XPR1: variants seen among roughly 807,000 people sequenced by gnomAD.
XPR1 encodes the protein solute carrier family 53 member 1.
XPR1 carries 28 observed loss-of-function variants against 87.5 expected under a neutral mutation model. The ratio of observed to expected loss-of-function variants is 0.32; its 90% CI spans 0.24 to 0.44. The LOEUF (loss-of-function observed/expected upper bound fraction) is 0.44. XPR1 is among the 20% of genes least tolerant of loss of function. The probability of loss-of-function intolerance (pLI) is 1.00; values close to 1 mark genes in which losing one functional copy is unlikely to be tolerated. For missense variants in XPR1, 559 were observed against 862.3 expected, an observed-to-expected ratio of 0.65 and a Z score of 4.41; for synonymous variants, 300 against 306.1, an observed-to-expected ratio of 0.98 and a Z score of 0.21.
Position 180,632,267 on chromosome 1 carries a change from T to C in XPR1, c.66T>C (p.Tyr22=), listed in dbSNP as rs757202895. 30 of 1,611,728 alleles carry C rather than the reference T, an allele frequency of 1.9e-5. No homozygotes were observed. In the South Asian group the frequency reaches 3.2e-4, roughly 17 times the overall value. The change falls in exon 1 of 15, where the codon TAT becomes TAC. Residue 22 remains tyrosine, a synonymous_variant. Coordinates refer to ENST00000367590, the MANE Select transcript of XPR1 (RefSeq NM_004736.4). ...TPEWRKQYIQ[Y]EAFKDMLYSA... Reference sequence around the variant, plus strand: ...AGTGGAGGAAGCAATACATCCAGTATGAGGTACCGGCACGGCTGGGGTGTG... The same window carrying C: ...AGTGGAGGAAGCAATACATCCAGTACGAGGTACCGGCACGGCTGGGGTGTG...
intron 2 of XPR1, among the ~76,000 whole-genome samples, chr1:180,715,569 A>C (rs1046773669): frequency 4.6e-5 from 7 of 152,226 alleles, no homozygotes; most frequent in African/African-American, 1.7e-4. Context: ...CTTGTCATCA[A>C]AATATAGTTC....
At chr1:180,783,739 T>G (rs1403707896) in intron 2 of XPR1, among the ~76,000 whole-genome samples, 2 of 151,944 alleles carry the variant, frequency 1.3e-5, no homozygotes, top group Non-Finnish European at 2.9e-5. Context: ...TGGACATCAG[T>G]TTGTTTCTTT....
chr1:180,835,647 AGTTCTGTTGTAG>A (rs1651258835), intron 10 of XPR1, among the ~76,000 whole-genome samples: 3 of 152,224 alleles, frequency 2.0e-5, no homozygotes, highest in Non-Finnish European at 2.9e-5. Flanking sequence ...AGTGGATCAC[AGTTCTGTTGTAG>A]GTTGATCACA....
intron 2 of XPR1, among the ~76,000 whole-genome samples, chr1:180,751,069 G>A (rs1647517222): frequency 6.6e-6 from 1 of 151,928 alleles, no homozygotes; most frequent in Admixed American, 6.6e-5. Context: ...TTTATTGCTA[G>A]TTTATAGAAA....
At chr1:180,832,412 T>C (rs1651101523) in intron 9 of XPR1, among the ~76,000 whole-genome samples, 1 of 152,222 alleles carries the variant, frequency 6.6e-6, no homozygotes, top group African/African-American at 2.4e-5. Flanking sequence ...CATTTGTCAA[T>C]TTTGGCTTTT....
chr1:180,796,430 C>T (rs1004768224), intron 3 of XPR1, among the ~76,000 whole-genome samples: 2 of 152,188 alleles, frequency 1.3e-5, no homozygotes, highest in Non-Finnish European at 2.9e-5. Flanking sequence ...TACGGATTCT[C>T]ATAGGCTCCT....
At chr1:180,661,666 T>C (rs943186749) in intron 1 of XPR1, among the ~76,000 whole-genome samples, 4 of 152,124 alleles carry the variant, frequency 2.6e-5, no homozygotes, top group African/African-American at 7.2e-5. Flanking sequence ...GGTCAGGAGT[T>C]CAAGACCAGC....
At position 180,884,177 on chromosome 1, in the gene XPR1, A is replaced by G. The variant is rs1652933986; in HGVS notation, c.*111A>G. 1.2e-6 allele frequency: 1 copy of G among 848,374 alleles called. No homozygotes were observed. Among genetic ancestry groups the G allele is most frequent in the Non-Finnish European group, 1.8e-6 (1 of 556,450 alleles). 52.6% of individuals were successfully genotyped at this position (848,374 alleles called of 1,614,324 possible). A position where few individuals can be genotyped will look rare whatever the true frequency, so the allele number is the denominator to read the frequency against. Reference sequence around the variant, plus strand: ...CCGAAAACAGGAGAAAACACATAACACATTTTCCGAGCTCTTCCGGATCGG... The same window carrying G: ...CCGAAAACAGGAGAAAACACATAACGCATTTTCCGAGCTCTTCCGGATCGG... On this transcript the variant is annotated 3_prime_UTR_variant, in exon 15 of 15. Transcript: ENST00000367590.
At chr1:180,804,298 C>A (rs1232908383) in intron 4 of XPR1, among the ~76,000 whole-genome samples, 3 of 152,164 alleles carry the variant, frequency 2.0e-5, no homozygotes, top group Non-Finnish European at 4.4e-5. Flanking sequence ...TATAGTCCTC[C>A]TAACCAATAG....
At chr1:180,689,283 G>A (rs1442675141) in intron 2 of XPR1, among the ~76,000 whole-genome samples, 1 of 151,988 alleles carries the variant, frequency 6.6e-6, no homozygotes, top group Non-Finnish European at 1.5e-5. Context: ...AATATAAAAA[G>A]ACTTTTTAAA....
intron 1 of XPR1, among the ~76,000 whole-genome samples, chr1:180,667,197 G>A (rs1360482823): frequency 6.6e-6 from 1 of 152,222 alleles, no homozygotes; most frequent in Non-Finnish European, 1.5e-5. Context: ...ACAGGCATGA[G>A]CCACTGAGCC....
Position 180,873,886 on chromosome 1 carries a change from G to T in XPR1, c.1752G>T (p.Leu584Phe). The T allele has an allele frequency of 6.2e-7, 1 of 1,614,134 alleles. No homozygotes were observed. The highest frequency in any genetic ancestry group is 8.5e-7 in the Non-Finnish European group (1 of 1,180,016). Residue 584 changes from leucine (L) to phenylalanine (F), a missense_variant, in exon 13 of 15, where the codon TTG becomes TTT. Coordinates refer to ENST00000367590, the MANE Select transcript of XPR1 (RefSeq NM_004736.4). ...TIQISITSTT[L>F]LPHSGDIIAT... ...AAATCTCGATTACCTCTACAACTTT[G>T]TTGCCTCATTCTGGGGACATCATTG...
chr1:180,759,296 A>C (rs1000719343), intron 2 of XPR1, among the ~76,000 whole-genome samples: 3 of 152,232 alleles, frequency 2.0e-5, no homozygotes, highest in African/African-American at 7.2e-5. Context: ...TAGAGACACA[A>C]AAAACCCTTC....
At chr1:180,873,436 T>C (rs1369009600) in intron 12 of XPR1, among the ~76,000 whole-genome samples, 1 of 152,248 alleles carries the variant, frequency 6.6e-6, no homozygotes, top group African/African-American at 2.4e-5. Flanking sequence ...TGATATTAGC[T>C]ATTAAGTCTA....
Position 180,888,183 on chromosome 1 carries a change from T to G in XPR1, c.*4117T>G, listed in dbSNP as rs1395459220. On this transcript the variant is annotated 3_prime_UTR_variant, in exon 15 of 15. Coordinates refer to ENST00000367590, the MANE Select transcript of XPR1 (RefSeq NM_004736.4). Reference sequence around the variant, plus strand: ...ATCTTTTCCCCATTACTTTGCATTATTCAGGAAATAATTATTTATTCCCAA... The same window carrying G: ...ATCTTTTCCCCATTACTTTGCATTAGTCAGGAAATAATTATTTATTCCCAA... 1 of 152,168 alleles carries G rather than the reference T, an allele frequency of 6.6e-6. No homozygotes were observed. Among genetic ancestry groups the G allele is most frequent in the African/African-American group, 2.4e-5 (1 of 41,438 alleles). 9.4% of individuals were successfully genotyped at this position (152,168 alleles called of 1,614,324 possible).
intron 2 of XPR1, among the ~76,000 whole-genome samples, chr1:180,742,366 T>A (rs757727149): frequency 4.6e-5 from 7 of 152,188 alleles, no homozygotes; most frequent in Non-Finnish European, 1.0e-4. Context: ...CTGATTTCCC[T>A]TGATATTCCT....
chr1:180,702,652 G>A (rs999236452), intron 2 of XPR1, among the ~76,000 whole-genome samples: 1 of 151,776 alleles, frequency 6.6e-6, no homozygotes, highest in Admixed American at 6.6e-5. Flanking sequence ...TTTAAAAATG[G>A]TATCTTTTTG....
In XPR1 at chr1:180,822,435, C is replaced by G. The variant is rs548809430; in HGVS notation, c.764-2318C>G. Among the ~76,000 whole-genome samples the G allele has an allele frequency of 8.5e-5, 13 of 152,328 alleles. 1 individual carries two copies. Among genetic ancestry groups the G allele is most frequent in the Middle Eastern group, 3.4e-3 (1 of 294 alleles). On this transcript the variant is annotated intron_variant, in intron 7 of 14. Coordinates refer to ENST00000367590, the MANE Select transcript of XPR1 (RefSeq NM_004736.4). ...TCCCTGACCGCCCTACCTAAAATAACACCTAACATCATTCTTTATCTCCTT... is the reference window on the plus strand; with the variant it reads ...TCCCTGACCGCCCTACCTAAAATAAGACCTAACATCATTCTTTATCTCCTT...
intron 2 of XPR1, among the ~76,000 whole-genome samples, chr1:180,714,392 TC>T (rs1657915020): frequency 1.4e-5 from 2 of 145,376 alleles, no homozygotes; most frequent in Admixed American, 6.8e-5. Context: ...TCTCTCTCTC[TC>T]TCTCTCTCTG....
Sources: allele counts gnomAD v4.1 joint callset (sites outside exome capture counted in the v4.1 genomes callset), GRCh38; gene constraint gnomAD v4.1.1; transcripts MANE v1.5; gene names NCBI Gene and HGNC (gene_info 2026-07-23, HGNC 2026-07-21).